Variants in UMODL1 observed in about 807,000 individuals in gnomAD.
UMODL1 encodes uromodulin like 1.
A neutral mutation model predicts 136.3 loss-of-function variants in UMODL1; 128 were observed. That is an observed-to-expected ratio of 0.94 (90% confidence interval 0.81 to 1.09). The LOEUF (loss-of-function observed/expected upper bound fraction) is 1.09, where lower values mean the gene tolerates loss of function less well. Ranked by LOEUF, UMODL1 falls within the 50% of genes least tolerant of loss-of-function variation. The pLI, the probability that UMODL1 is intolerant of heterozygous loss-of-function variation, is 0.00. For missense variants in UMODL1, 1,766 were observed against 1,725.6 expected (o/e 1.02, Z -0.41); for synonymous variants, 721 against 720.0 (o/e 1.00, Z -0.02).
At position 42,126,453 on chromosome 21, in the gene UMODL1, G is replaced by A; in HGVS notation, c.3256G>A (p.Asp1086Asn). The A allele has an allele frequency of 1.2e-6, 2 of 1,614,244 alleles. No individual in the cohort carries two copies. Among genetic ancestry groups the A allele is most frequent in the South Asian group, 1.1e-5 (1 of 91,086 alleles). Residue 1086 changes from aspartate to asparagine, a missense_variant, in exon 18 of 23, where the codon GAC becomes AAC. By Grantham distance (23) the Asp-to-Asn change is conservative. Coordinates refer to ENST00000408910, the MANE Select transcript of UMODL1 (RefSeq NM_001004416.3). ...LSPIYCAFQN[D>N]LLTSSGFTLE... ...CCCCATCTACTGCGCCTTCCAGAAT[G>A]ACCTGCTGACATCCTCCGGCTTCAC... is the stretch of plus-strand genomic sequence containing the variant.
chr21:42,113,872 T>G, intron 13 of UMODL1, 42 bp downstream of exon 13: 1 of 1,587,928 alleles, frequency 6.3e-7, no homozygotes, highest in Non-Finnish European at 8.6e-7. Flanking sequence ...GAACAAAAAG[T>G]ATGAAAAAGA....
Position 42,076,180 on chromosome 21 carries a change from C to T in UMODL1, c.252C>T (p.Val84=), listed in dbSNP as rs760803462. The T allele has an allele frequency of 5.6e-6, 9 of 1,614,128 alleles. No individual in the cohort carries two copies. Among genetic ancestry groups the T allele is most frequent in the South Asian group, 1.1e-5 (1 of 91,088 alleles). The change falls in exon 2 of 23, where the codon GTC becomes GTT. Residue 84 remains valine (V), a synonymous_variant. Transcript: ENST00000408910. ...GGACACAGTACCTGGTAGTGGAGGT[C>T]CCCGAGTCCAGGAACGTGACTGACT... is the stretch of plus-strand genomic sequence containing the variant. ...VYRTQYLVVE[V]PESRNVTDCC... is the part of the protein sequence containing the mutation.
intron 16 of UMODL1, 35 bp downstream of exon 16, chr21:42,121,259 G>A (rs1250802200): frequency 6.3e-7 from 1 of 1,582,736 alleles, no homozygotes; most frequent in Non-Finnish European, 8.6e-7. Flanking sequence ...CTGGAATACT[G>A]TATCATAATC....
upstream of UMODL1, among the ~76,000 whole-genome samples, chr21:42,070,331 G>A (rs2066218699): frequency 6.6e-6 from 1 of 152,232 alleles, no homozygotes; most frequent in Non-Finnish European, 1.5e-5. Context: ...ACACTAAGAA[G>A]TGAGAGGCAA....
intron 17 of UMODL1, among the ~76,000 whole-genome samples, chr21:42,126,010 A>G (rs1020016880): frequency 6.6e-6 from 1 of 152,186 alleles, no homozygotes; most frequent in Non-Finnish European, 1.5e-5. Context: ...TTTGTCTCTG[A>G]TGACTCACCC....
chr21:42,130,247 C>T (rs111586294), intron 21 of UMODL1, among the ~76,000 whole-genome samples: 202 of 100,954 alleles, frequency 2.0e-3, no homozygotes, highest in Admixed American at 5.1e-3. Context: ...TGTGTGTGTG[C>T]GTGCACACGA....
intron 22 of UMODL1, among the ~76,000 whole-genome samples, chr21:42,140,757 CA>C (rs981924241): frequency 6.6e-6 from 1 of 152,184 alleles, no homozygotes; most frequent in African/African-American, 2.4e-5. Context: ...CCCCGGGAGG[CA>C]GGTGCTGCTG....
rs1312240149 is a variant in UMODL1 at position 42,099,256 on chromosome 21, C to A, written c.1186+76C>A. The stretch of plus-strand genomic sequence containing the variant: ...TCCCAGGTCTGTGGCCCTAGCATGT[C>A]GCGTTCTTCTTCCTATAACCAGGGC... On this transcript the variant is annotated intron_variant, in intron 7 of 22. Transcript: ENST00000408910. The surrounding 1 kb of genome is among the most constrained non-coding windows in gnomAD (Gnocchi z 4.1). 7 of 1,552,546 alleles carry A rather than the reference C, an allele frequency of 4.5e-6. No homozygotes were observed. The highest frequency in any genetic ancestry group is 6.1e-6 in the Non-Finnish European group (7 of 1,149,788).
Position 42,122,928 on chromosome 21 carries a change from C to A in UMODL1, c.2925C>A (p.Thr975=). 1 of 1,613,910 alleles carries A rather than the reference C, an allele frequency of 6.2e-7. No individual in the cohort carries two copies. The highest frequency in any genetic ancestry group is 8.5e-7 in the Non-Finnish European group (1 of 1,180,028). The change falls in exon 17 of 23, where the codon ACC becomes ACA. Residue 975 remains threonine, a synonymous_variant. Transcript: ENST00000408910. The surrounding 1 kb of genome is among the most constrained non-coding windows in gnomAD (Gnocchi z 4.3). ...CCTTTGTGCAAGGCACCAGCCCCAC[C>A]CCCCAAGGCCTGCCCCAGCGGCTGA... The part of the protein sequence containing the change: ...KAAFVQGTSP[T]PQGLPQRLNL...
At chr21:42,119,359 C>G (rs1158651863) in intron 15 of UMODL1, 35 bp downstream of exon 15, 2 of 1,596,306 alleles carry the variant, frequency 1.3e-6, no homozygotes, top group South Asian at 2.2e-5. Context: ...CTCCCGTGTT[C>G]TGGAACCAGA....
chr21:42,141,093 C>A (rs1008071194), intron 22 of UMODL1, among the ~76,000 whole-genome samples: 1 of 152,186 alleles, frequency 6.6e-6, no homozygotes, highest in Admixed American at 6.5e-5. Context: ...ATTTTTGAAA[C>A]AACTCAGCAA....
chr21:42,064,853 G>A (rs984300932), intron 1 of UMODL1, among the ~76,000 whole-genome samples: 3 of 152,166 alleles, frequency 2.0e-5, no homozygotes, highest in Non-Finnish European at 4.4e-5. Flanking sequence ...AACATGCCCG[G>A]CCCACAAATT....
chr21:42,082,119 G>T (rs781111839), intron 2 of UMODL1, among the ~76,000 whole-genome samples: 1 of 152,228 alleles, frequency 6.6e-6, no homozygotes, highest in Admixed American at 6.5e-5. Context: ...AGGCAGACAG[G>T]GCTGGGTGAG....
In UMODL1 at chr21:42,142,607, G is replaced by A. The variant is rs985742251; in HGVS notation, c.*533G>A. ...AAATACACTGCTAATGTTATTTTTA[G>A]TGGATGTTTATGCTGTTTGACTTTT... is the stretch of plus-strand genomic sequence containing the variant. On this transcript the variant is annotated 3_prime_UTR_variant, in exon 23 of 23. Transcript: ENST00000408910. 4 of 152,242 alleles carry A rather than the reference G, an allele frequency of 2.6e-5. No individual in the cohort carries two copies. Among genetic ancestry groups the A allele is most frequent in the Non-Finnish European group, 5.9e-5 (4 of 68,048 alleles). The allele number at this position is 152,242 out of a possible 1,614,324, so 9.4% of individuals were successfully genotyped here. A position where few individuals can be genotyped will look rare whatever the true frequency, so the allele number is the denominator to read the frequency against.
intron 12 of UMODL1, among the ~76,000 whole-genome samples, chr21:42,112,629 C>A (rs1480921230): frequency 6.6e-6 from 1 of 151,300 alleles, no homozygotes; most frequent in Non-Finnish European, 1.5e-5. Context: ...CCCCACTGTT[C>A]TGCACCTCCA....
At chr21:42,113,020 G>C (rs2066856473) in intron 12 of UMODL1, 1 of 152,916 alleles carries the variant, frequency 6.5e-6, no homozygotes, top group African/African-American at 2.4e-5. Context: ...GAGCTAGCCT[G>C]CCTCTGGATT....
chr21:42,104,704 C>T (rs1266441657), intron 9 of UMODL1, among the ~76,000 whole-genome samples: 1 of 152,214 alleles, frequency 6.6e-6, no homozygotes, highest in African/African-American at 2.4e-5. Context: ...CCTGCCTCAG[C>T]CTCCCAAGGT....
chr21:42,095,577 T>C (rs1044495254), intron 6 of UMODL1, among the ~76,000 whole-genome samples: 5 of 152,226 alleles, frequency 3.3e-5, no homozygotes, highest in Admixed American at 1.3e-4. Context: ...CTGAAGATAC[T>C]TCACTGAATC....
chr21:42,121,367 A>T, intron 16 of UMODL1, 143 bp downstream of exon 16: 1 of 834,422 alleles, frequency 1.2e-6, no homozygotes. Context: ...ATGTGGGTGC[A>T]CGTGTGTGTG....
Sources: gnomAD v4.1 joint callset for allele counts (sites outside exome capture counted in the v4.1 genomes callset) on GRCh38, gnomAD v4.1.1 for gene constraint, Gnocchi (gnomAD v3.1) non-coding constraint, MANE v1.5 for transcripts, NCBI Gene and HGNC (gene_info 2026-07-23, HGNC 2026-07-21) for gene names.